The following PAQR6 variants were observed in gnomAD, a reference collection of about 807,000 sequenced individuals.
The protein encoded by PAQR6 is progestin and adipoQ receptor family member 6.
A neutral mutation model predicts 36.2 loss-of-function variants in PAQR6; 34 were observed. The observed-to-expected ratio is 0.94, with a 90% confidence interval of 0.71 to 1.25. PAQR6 has a LOEUF of 1.25. Ranked by LOEUF, PAQR6 falls within the 50% of genes most tolerant of loss-of-function variation. PAQR6 has a pLI of 0.00. For synonymous variants in PAQR6, 190 were observed against 190.7 expected, an observed-to-expected ratio of 1.00 and a Z score of 0.03; for missense variants, 431 against 445.7, an observed-to-expected ratio of 0.97 and a Z score of 0.30.
At chr1:156,244,709 G>T in intron 7 of PAQR6, 52 bp downstream of exon 7, 1 of 1,613,384 alleles carries the variant, frequency 6.2e-7, no homozygotes. Flanking sequence ...TCTGTGCTCT[G>T]GGAAGGCATC....
chr1:156,243,574 A>G lies in PAQR6; in HGVS notation c.*555T>C. ...ATCCATAATGCACCCAGATAGGCCC[A>G]CCCCCAAAAGCCTGGACACCTTGAG... On this transcript the variant is annotated 3_prime_UTR_variant, in exon 8 of 8. Transcript: ENST00000292291. The G allele has an allele frequency of 2.1e-6, 1 of 482,724 alleles. No homozygotes were observed. Among genetic ancestry groups the G allele is most frequent in the South Asian group, 4.3e-5 (1 of 23,190 alleles). The allele number at this position is 482,724 out of a possible 1,614,324, so 29.9% of individuals were successfully genotyped here. A position where few individuals can be genotyped will look rare whatever the true frequency, so the allele number is the denominator to read the frequency against.
rs772303391 is a variant in PAQR6, at chr1:156,243,874, G to T, written c.*255C>A. On this transcript the variant is annotated 3_prime_UTR_variant, in exon 8 of 8. Coordinates refer to ENST00000292291, the MANE Select transcript of PAQR6 (RefSeq NM_198406.3). ...ATAGGGGCATCTTCAGCCTGGACAC[G>T]CATGCATCTCCCCTCTCAGACCCTC... 4 of 1,600,992 alleles carry T rather than the reference G, an allele frequency of 2.5e-6. No homozygotes were observed. Among genetic ancestry groups the T allele is most frequent in the Non-Finnish European group, 2.6e-6 (3 of 1,170,530 alleles).
intron 2 of PAQR6, 106 bp downstream of exon 2, chr1:156,246,575 T>TA: frequency 7.7e-7 from 1 of 1,290,662 alleles, no homozygotes; most frequent in Non-Finnish European, 1.1e-6. Context: ...GGGTAAGAGT[T>TA]CGCCTGCAGG....
intron 7 of PAQR6, 93 bp downstream of exon 7, chr1:156,244,668 T>C (rs1267148233): frequency 2.1e-5 from 34 of 1,596,132 alleles, no homozygotes; most frequent in Non-Finnish European, 2.7e-5. Flanking sequence ...GCCTCCATCC[T>C]GGGGCTGTAA....
At position 156,245,240 on chromosome 1, in the gene PAQR6, T is replaced by C. The variant is rs1162913088; in HGVS notation, c.513-2A>G. 1 of 1,613,422 alleles carries C rather than the reference T, an allele frequency of 6.2e-7. No individual in the cohort carries two copies. Among genetic ancestry groups the C allele is most frequent in the East Asian group, 2.2e-5 (1 of 44,858 alleles). On this transcript the variant is annotated splice_acceptor_variant, in intron 5 of 7. Coordinates refer to ENST00000292291, the MANE Select transcript of PAQR6 (RefSeq NM_198406.3). LOFTEE classifies it high-confidence loss of function. ...CCAGGGCTTTCCAGCTCCAGGAAAC[T>C]GGGAGGCGGGAGGAAAAGGCCGGTC...
At chr1:156,247,462 G>C (rs36038623) in intron 1 of PAQR6, 10,157 of 152,834 alleles carry the variant, frequency 0.066, 438 homozygotes, top group Non-Finnish European at 0.097. Flanking sequence ...CCCAGGAGGA[G>C]GACTAGGACA....
chr1:156,244,966 G>C, intron 6 of PAQR6, 55 bp from the exon 7 acceptor site: 10 of 1,598,696 alleles, frequency 6.3e-6, no homozygotes, highest in Non-Finnish European at 7.7e-6. Context: ...GAAACATGGG[G>C]TGTGTCTGGG....
Position 156,245,787 on chromosome 1 carries a change from C to A in PAQR6, c.380G>T (p.Ser127Ile). 1 of 1,596,038 alleles carries A rather than the reference C, an allele frequency of 6.3e-7. No individual in the cohort carries two copies. The highest frequency in any genetic ancestry group is 8.5e-7 in the Non-Finnish European group (1 of 1,171,546). The change falls in exon 4 of 8, where the codon AGT becomes ATT. Residue 127 changes from serine (S) to isoleucine (I), a missense_variant. Transcript: ENST00000292291. ...FLDYGALSLY[S>I]LGCAFPYAAY... Reference sequence around the variant, plus strand: ...CCCGCGCCTGTCCGGCTCACCCAGACTGTAGAGGCTGAGCGCGCCGTAGTC... The same window carrying A: ...CCCGCGCCTGTCCGGCTCACCCAGAATGTAGAGGCTGAGCGCGCCGTAGTC...
Position 156,245,929 on chromosome 1 carries a change from A to G in PAQR6, c.238T>C (p.Tyr80His). The G allele has an allele frequency of 6.5e-7, 1 of 1,546,502 alleles. No individual in the cohort carries two copies. The highest frequency in any genetic ancestry group is 8.7e-7 in the Non-Finnish European group (1 of 1,147,668). The change falls in exon 4 of 8, where the codon TAC (tyrosine) becomes CAC (histidine). Residue 80 changes from tyrosine to histidine, a missense_variant. Transcript: ENST00000292291. ...AGGPGFRAEP[Y>H]HWPLLVFLLP... Reference sequence around the variant, plus strand: ...AGGAAGACCAGCAGCGGCCAGTGGTACGGCTCCGCACGGAAGCCGGGGCCG... The same window carrying G: ...AGGAAGACCAGCAGCGGCCAGTGGTGCGGCTCCGCACGGAAGCCGGGGCCG...
Position 156,245,220 on chromosome 1 carries a change from G to A in PAQR6, c.531C>T (p.Ser177=). 1 of 1,614,134 alleles carries A rather than the reference G, an allele frequency of 6.2e-7. No individual in the cohort carries two copies. The highest frequency in any genetic ancestry group is 8.5e-7 in the Non-Finnish European group (1 of 1,180,000). Reference sequence around the variant, plus strand: ...TGCGGAGGACCTTACTGAGCCCAGGGCTTTCCAGCTCCAGGAAACTGGGAG... The same window carrying A: ...TGCGGAGGACCTTACTGAGCCCAGGACTTTCCAGCTCCAGGAAACTGGGAG... ...SCYSRFLELE[S]PGLSKVLRTG... Residue 177 remains serine, a synonymous_variant, in exon 6 of 8, where the codon AGC becomes AGT. Transcript: ENST00000292291.
intron 2 of PAQR6, among the ~76,000 whole-genome samples, 187 bp downstream of exon 2, chr1:156,246,494 G>A (rs1418043481): frequency 6.6e-6 from 1 of 152,198 alleles, no homozygotes; most frequent in Non-Finnish European, 1.5e-5. Context: ...CTCTGGGGAA[G>A]GGGACTCCAG....
intron 3 of PAQR6, 24 bp downstream of exon 3, chr1:156,246,099 G>A (rs1326241785): frequency 6.2e-7 from 1 of 1,609,068 alleles, no homozygotes. Context: ...CAAGGCCGCG[G>A]CCTGGGGCGG....
intron 7 of PAQR6, 109 bp from the exon 8 acceptor site, chr1:156,244,512 A>C: frequency 7.3e-7 from 1 of 1,373,822 alleles, no homozygotes. Context: ...CCTGACTCCC[A>C]GAGTGACTGA....
rs1162035600 is a variant in PAQR6, at chr1:156,245,518, G to A, written c.512+17C>T. On this transcript the variant is annotated intron_variant, in intron 5 of 7. Coordinates refer to ENST00000292291, the MANE Select transcript of PAQR6 (RefSeq NM_198406.3). ...CTCCGCCTTCCCCGTCCCCACTGGA[G>A]GGGCCTGGGAACCCACCGGGAGTAG... is the stretch of plus-strand genomic sequence containing the variant. The A allele has an allele frequency of 6.2e-7, 1 of 1,611,736 alleles. No individual in the cohort carries two copies. Among genetic ancestry groups the A allele is most frequent in the East Asian group, 2.2e-5 (1 of 44,878 alleles).
intron 6 of PAQR6, 84 bp from the exon 7 acceptor site, chr1:156,244,995 G>A: frequency 6.3e-7 from 1 of 1,594,166 alleles, no homozygotes. Flanking sequence ...AGGACGCAGA[G>A]CGGGCGGGCA....
rs750785096 is a variant in PAQR6, at chr1:156,244,790, C to G, written c.731G>C (p.Arg244Thr). The change falls in exon 7 of 8, where the codon AGG becomes ACG. Residue 244 changes from arginine to threonine, a missense_variant. Coordinates refer to ENST00000292291, the MANE Select transcript of PAQR6 (RefSeq NM_198406.3). ...GFLFASHLPE[R>T]LAPGRFDYIG... ...GTAATCAAAGCGTCCTGGTGCCAGC[C>G]TTTCAGGCAGGTGGGAGGCGAAGAG... 7 of 1,613,728 alleles carry G rather than the reference C, an allele frequency of 4.3e-6. No homozygotes were observed. The Admixed American group carries it at 1.2e-4, about 27-fold the overall frequency.
chr1:156,246,397 G>C, intron 2 of PAQR6, 147 bp from the exon 3 acceptor site: 2 of 804,146 alleles, frequency 2.5e-6, no homozygotes, highest in Non-Finnish European at 1.9e-6. Flanking sequence ...GTTACCACAG[G>C]TCCCAGTACC....
rs906491290 is a variant in PAQR6, at chr1:156,245,417, CAG to C, written c.512+116_512+117del. 2.7e-6 allele frequency: 4 copies of C among 1,491,122 alleles called. No homozygotes were observed. The African/African-American group carries it at 5.5e-5, about 21-fold the overall frequency. The allele number at this position is 1,491,122 out of a possible 1,614,324, so 92.4% of individuals were successfully genotyped here. ...CTGTATGTGGGGATAAAGGGTCTGA[CAG>C]AGGAAGTCCTCAGTACATGGTCCCG... On this transcript the variant is annotated intron_variant, in intron 5 of 7. Transcript: ENST00000292291.
Position 156,245,634 on chromosome 1 carries a change from G to C in PAQR6, c.413C>G (p.Ser138Cys). Residue 138 changes from serine to cysteine, a missense_variant, in exon 5 of 8, where the codon TCC (serine) becomes TGC (cysteine). Transcript: ENST00000292291. ...GCCGTGCAGCCAGGAGGCCGGCATG[G>C]AGTAGGCGGCATAGGGGAAGGCGCA... is the stretch of plus-strand genomic sequence containing the variant. ...LGCAFPYAAY[S>C]MPASWLHGHL... 1.2e-6 allele frequency: 2 copies of C among 1,613,340 alleles called. No individual in the cohort carries two copies. The highest frequency in any genetic ancestry group is 1.7e-6 in the Non-Finnish European group (2 of 1,179,984).
Sources: allele counts gnomAD v4.1 joint callset (sites outside exome capture counted in the v4.1 genomes callset), GRCh38; gene constraint gnomAD v4.1.1; transcripts MANE v1.5; gene names NCBI Gene and HGNC (gene_info 2026-07-23, HGNC 2026-07-21).